NSG2: variants seen among roughly 807,000 people sequenced by gnomAD.
NSG2 encodes neuronal vesicle trafficking-associated protein 2.
NSG2 carries 4 observed loss-of-function variants against 16.9 expected under a neutral mutation model. That is an observed-to-expected ratio of 0.24 (90% confidence interval 0.12 to 0.54). NSG2 has a LOEUF of 0.54. Among genes scored for constraint, NSG2 ranks in the 20% least tolerant of loss-of-function variants. The probability of loss-of-function intolerance (pLI) is 0.95; values close to 1 mark genes in which losing one functional copy is unlikely to be tolerated. For synonymous variants in NSG2, 98 were observed against 88.7 expected, an observed-to-expected ratio of 1.11 and a Z score of -0.59; for missense variants, 179 against 221.1, an observed-to-expected ratio of 0.81 and a Z score of 1.21.
chr5:174,046,461 T>C (rs1373168743), intron 1 of NSG2, among the ~76,000 whole-genome samples: 2 of 152,192 alleles, frequency 1.3e-5, no homozygotes, highest in African/African-American at 4.8e-5. Context: ...TTTACACTTA[T>C]ATTTTTTGTG....
At position 174,078,007 on chromosome 5, in the gene NSG2, T is replaced by C. The variant is rs547039000; in HGVS notation, c.213+13692T>C. ...GTTGTCTACATCTGTGCTGTCCAAA[T>C]TGGAAGCCCCTAGCCACCTGTGGCT... On this transcript the variant is annotated intron_variant, in intron 3 of 4. Coordinates refer to ENST00000303177, the MANE Select transcript of NSG2 (RefSeq NM_015980.5). Among the ~76,000 whole-genome samples, 124 of 151,994 alleles carry C rather than the reference T, an allele frequency of 8.2e-4. 1 individual carries two copies. Among genetic ancestry groups the C allele is most frequent in the South Asian group, 1.1e-3 (5 of 4,500 alleles).
rs74582893 is a variant in NSG2 at position 174,048,003 on chromosome 5, A to G, written c.129+1119A>G. 6.7e-3 allele frequency among the ~76,000 whole-genome samples: 1,017 copies of G among 152,338 alleles called. 11 individuals are homozygous for G. Among genetic ancestry groups the G allele is most frequent in the African/African-American group, 0.024 (980 of 41,568 alleles). On this transcript the variant is annotated intron_variant, in intron 2 of 4. Coordinates refer to ENST00000303177, the MANE Select transcript of NSG2 (RefSeq NM_015980.5). ...AACAGAAGAGGAGCCAAAGCTAGATAAAGGGGCTGCTGATTGGCCAGAGGT... is the reference window on the plus strand; with the variant it reads ...AACAGAAGAGGAGCCAAAGCTAGATGAAGGGGCTGCTGATTGGCCAGAGGT...
Position 174,107,470 on chromosome 5 carries a change from C to T in NSG2, c.481C>T (p.His161Tyr), listed in dbSNP as rs1342072972. ...GTGGCTGTCAGCAGCCGCTGTCATCCATGAGCCCAAGCCGCCCAAGACCCA... is the reference window on the plus strand; with the variant it reads ...GTGGCTGTCAGCAGCCGCTGTCATCTATGAGCCCAAGCCGCCCAAGACCCA... ...GPWLSAAAVI[H>Y]EPKPPKTQGH is the part of the protein sequence containing the mutation. Residue 161 changes from histidine to tyrosine, a missense_variant, in exon 5 of 5, where the codon CAT becomes TAT. Transcript: ENST00000303177. This position sits in a 1 kb window ranked among gnomAD's most constrained non-coding sequence, Gnocchi z 4.5. 1 of 1,612,194 alleles carries T rather than the reference C, an allele frequency of 6.2e-7. No individual in the cohort carries two copies. The highest frequency in any genetic ancestry group is 8.5e-7 in the Non-Finnish European group (1 of 1,178,630).
At position 174,108,397 on chromosome 5, in the gene NSG2, A is replaced by G. The variant is rs1331173420; in HGVS notation, c.*892A>G. The G allele has an allele frequency of 6.5e-6, 1 of 153,332 alleles. No individual in the cohort carries two copies. Among genetic ancestry groups the G allele is most frequent in the Non-Finnish European group, 1.5e-5 (1 of 68,766 alleles). 9.5% of individuals were successfully genotyped at this position (153,332 alleles called of 1,614,324 possible). The stretch of plus-strand genomic sequence containing the variant: ...GACAGGCATGTGACACTAGGCCACA[A>G]GCGATAAGCACAGGCACCTGACTTT... On this transcript the variant is annotated 3_prime_UTR_variant, in exon 5 of 5. Coordinates refer to ENST00000303177, the MANE Select transcript of NSG2 (RefSeq NM_015980.5).
chr5:174,079,657 C>A (rs1760414783), intron 3 of NSG2, among the ~76,000 whole-genome samples: 1 of 152,122 alleles, frequency 6.6e-6, no homozygotes, highest in African/African-American at 2.4e-5. Flanking sequence ...CTGGCTGGAC[C>A]ATTTGTTCCT....
At chr5:174,071,452 A>G (rs1760240320) in intron 3 of NSG2, among the ~76,000 whole-genome samples, 1 of 152,186 alleles carries the variant, frequency 6.6e-6, no homozygotes, top group African/African-American at 2.4e-5. Flanking sequence ...GCACCACTGC[A>G]CTCCAGCCTG....
chr5:174,096,572 T>C (rs1581241350), intron 3 of NSG2, among the ~76,000 whole-genome samples: 1 of 152,094 alleles, frequency 6.6e-6, no homozygotes, highest in South Asian at 2.1e-4. Flanking sequence ...TGGTGGCTCG[T>C]TCATCAGGGA....
chr5:174,055,354 G>A (rs1002998877), intron 2 of NSG2, among the ~76,000 whole-genome samples: 5 of 152,184 alleles, frequency 3.3e-5, no homozygotes, highest in Non-Finnish European at 7.3e-5. Context: ...AGCACTTTGG[G>A]AAGCCGAGGT....
chr5:174,096,986 G>A (rs903438552), intron 3 of NSG2, among the ~76,000 whole-genome samples: 5 of 152,160 alleles, frequency 3.3e-5, no homozygotes, highest in African/African-American at 1.2e-4. Context: ...ACCTCTCAGA[G>A]CCTCACTTTC....
At chr5:174,047,635 G>T (rs912142625) in intron 2 of NSG2, among the ~76,000 whole-genome samples, 1 of 152,228 alleles carries the variant, frequency 6.6e-6, no homozygotes, top group Non-Finnish European at 1.5e-5. Flanking sequence ...CAGCATGACT[G>T]CAGGAGAGTG....
chr5:174,072,526 A>G lies in NSG2; in HGVS notation c.213+8211A>G, dbSNP rs980384296. Among the ~76,000 whole-genome samples the G allele has an allele frequency of 6.6e-6, 1 of 152,230 alleles. No homozygotes were observed. The highest frequency in any genetic ancestry group is 1.5e-5 in the Non-Finnish European group (1 of 68,040). On this transcript the variant is annotated intron_variant, in intron 3 of 4. Coordinates refer to ENST00000303177, the MANE Select transcript of NSG2 (RefSeq NM_015980.5). This position sits in a 1 kb window ranked among gnomAD's most constrained non-coding sequence, Gnocchi z 4.0. ...TGTCCTTTCTCCTTTGGGTTCCTGC[A>G]TGTCCTATAGGACCCTCCATTCTAG... is the stretch of plus-strand genomic sequence containing the variant.
At chr5:174,050,290 G>A (rs566348457) in intron 2 of NSG2, among the ~76,000 whole-genome samples, 39 of 152,188 alleles carry the variant, frequency 2.6e-4, no homozygotes, top group Non-Finnish European at 4.4e-4. Context: ...CTGAAAATCA[G>A]TATTCTAAGT....
intron 3 of NSG2, among the ~76,000 whole-genome samples, chr5:174,096,951 T>A (rs564911585): frequency 6.6e-6 from 1 of 152,206 alleles, no homozygotes; most frequent in Admixed American, 6.5e-5. Flanking sequence ...TCTTACCAAC[T>A]GGGGAACCTT....
intron 3 of NSG2, among the ~76,000 whole-genome samples, chr5:174,080,521 T>TTCCC (rs1760434494): frequency 1.2e-5 from 1 of 86,856 alleles, no homozygotes; most frequent in African/African-American, 4.3e-5. Flanking sequence ...CCCTCTTTCT[T>TTCCC]TCTTTCTCTC....
chr5:174,107,682 G>A lies in NSG2; in HGVS notation c.*177G>A, dbSNP rs1341572553. 2.2e-5 allele frequency: 16 copies of A among 729,156 alleles called. No homozygotes were observed. The highest frequency in any genetic ancestry group is 3.7e-5 in the Non-Finnish European group (15 of 410,098). The allele number at this position is 729,156 out of a possible 1,614,324, so 45.2% of individuals were successfully genotyped here. On this transcript the variant is annotated 3_prime_UTR_variant, in exon 5 of 5. Coordinates refer to ENST00000303177, the MANE Select transcript of NSG2 (RefSeq NM_015980.5). The surrounding 1 kb of genome is among the most constrained non-coding windows in gnomAD (Gnocchi z 4.5). Reference sequence around the variant, plus strand: ...GGTGTGTGCTGGAGTTGTCTGAACCGATATTTCTTTTTGTTCCTTGGTATT... The same window carrying A: ...GGTGTGTGCTGGAGTTGTCTGAACCAATATTTCTTTTTGTTCCTTGGTATT...
intron 3 of NSG2, among the ~76,000 whole-genome samples, chr5:174,087,091 C>G (rs2113461487): frequency 6.6e-6 from 1 of 152,276 alleles, no homozygotes; most frequent in Admixed American, 6.5e-5. Flanking sequence ...AAGTTTGAGG[C>G]CATAGATGTT....
intron 2 of NSG2, among the ~76,000 whole-genome samples, chr5:174,057,752 T>G (rs902891498): frequency 5.3e-5 from 8 of 152,216 alleles, no homozygotes; most frequent in African/African-American, 9.6e-5. Context: ...TGTCACCTAC[T>G]CACCTCACCC....
At chr5:174,096,436 G>T (rs1234656519) in intron 3 of NSG2, among the ~76,000 whole-genome samples, 3 of 152,144 alleles carry the variant, frequency 2.0e-5, no homozygotes. Flanking sequence ...GATCATGGGG[G>T]TGGGGAAAAC....
intron 3 of NSG2, among the ~76,000 whole-genome samples, chr5:174,073,217 G>C (rs1760273053): frequency 6.6e-6 from 1 of 152,148 alleles, no homozygotes; most frequent in Non-Finnish European, 1.5e-5. Flanking sequence ...AACATTTCTA[G>C]CTTCACCATT....
Sources: allele counts gnomAD v4.1 joint callset (sites outside exome capture counted in the v4.1 genomes callset), GRCh38; gene constraint gnomAD v4.1.1; non-coding constraint Gnocchi (gnomAD v3.1); transcripts MANE v1.5; gene names NCBI Gene and HGNC (gene_info 2026-07-23, HGNC 2026-07-21).